ADAMTS6: variants seen among roughly 807,000 people sequenced by gnomAD.
The protein encoded by ADAMTS6 is A disintegrin and metalloproteinase with thrombospondin motifs 6.
Under a neutral mutation model 144.3 loss-of-function variants are expected in ADAMTS6, and 23 were observed. The observed-to-expected ratio is 0.16, with a 90% CI of 0.11 to 0.23. The LOEUF is 0.23. Ranked by LOEUF, ADAMTS6 falls within the 10% of genes least tolerant of loss-of-function variation. The pLI is 1.00. For missense variants in ADAMTS6, 999 were observed against 1,379.6 expected (o/e 0.72, Z 4.37); for synonymous variants, 444 against 457.5 (o/e 0.97, Z 0.38).
At chr5:65,447,459 A>T (rs142758679) in intron 7 of ADAMTS6, among the ~76,000 whole-genome samples, 466 of 152,234 alleles carry the variant, frequency 3.1e-3, no homozygotes, top group African/African-American at 0.011. Context: ...CCATAAAGAC[A>T]CACAATTTTT....
rs181524905 is a variant in ADAMTS6 at position 65,442,130 on chromosome 5, A to T, written c.1073+9345T>A. ...AAACGAAACCAAATTTGAGAAGATTATTAAAATGTCTAGCCACAGTGATTA... is the reference window on the plus strand; with the variant it reads ...AAACGAAACCAAATTTGAGAAGATTTTTAAAATGTCTAGCCACAGTGATTA... On this transcript the variant is annotated intron_variant, in intron 7 of 24. Coordinates refer to ENST00000381055, the MANE Select transcript of ADAMTS6 (RefSeq NM_197941.4). Among the ~76,000 whole-genome samples the T allele has an allele frequency of 2.1e-3, 313 of 151,916 alleles. 2 individuals are homozygous for T. Among genetic ancestry groups the T allele is most frequent in the African/African-American group, 7.3e-3 (305 of 41,524 alleles).
intron 18 of ADAMTS6, among the ~76,000 whole-genome samples, chr5:65,223,680 G>A (rs770904512): frequency 2.0e-5 from 3 of 152,004 alleles, no homozygotes; most frequent in Non-Finnish European, 4.4e-5. Flanking sequence ...ATTGCATACA[G>A]ATAAAATAAG....
In ADAMTS6 at chr5:65,150,019, T is replaced by C. The variant is rs929950695; in HGVS notation, c.*1817A>G. The C allele has an allele frequency of 6.6e-6, 1 of 152,280 alleles. No individual in the cohort carries two copies. Among genetic ancestry groups the C allele is most frequent in the African/African-American group, 2.4e-5 (1 of 41,454 alleles). The allele number at this position is 152,280 out of a possible 1,614,324, so 9.4% of individuals were successfully genotyped here. Reference sequence around the variant, plus strand: ...GACTGAGAGTGCAGAAAACATTCCATGCTGATTGTCCACAGCAAACCTGGG... The same window carrying C: ...GACTGAGAGTGCAGAAAACATTCCACGCTGATTGTCCACAGCAAACCTGGG... On this transcript the variant is annotated 3_prime_UTR_variant, in exon 25 of 25. Coordinates refer to ENST00000381055, the MANE Select transcript of ADAMTS6 (RefSeq NM_197941.4).
chr5:65,225,864 G>A (rs1757684558), intron 16 of ADAMTS6, among the ~76,000 whole-genome samples: 1 of 152,104 alleles, frequency 6.6e-6, no homozygotes, highest in Admixed American at 6.6e-5. Flanking sequence ...GGCAATCACT[G>A]TAAAAATAAC....
In ADAMTS6 at chr5:65,149,042, C is replaced by T. The variant is rs1001980130; in HGVS notation, c.*2794G>A. On this transcript the variant is annotated 3_prime_UTR_variant, in exon 25 of 25. Coordinates refer to ENST00000381055, the MANE Select transcript of ADAMTS6 (RefSeq NM_197941.4). ...TGAGGATACCTATGTGACATTCATT[C>T]AAACAAAAAAGTTCCTAATGAAATG... 3.3e-5 allele frequency: 5 copies of T among 152,628 alleles called. No individual in the cohort carries two copies. The highest frequency in any genetic ancestry group is 9.7e-5 in the African/African-American group (4 of 41,438). The allele number at this position is 152,628 out of a possible 1,614,324, so 9.5% of individuals were successfully genotyped here.
chr5:65,405,192 T>C (rs933992464), intron 7 of ADAMTS6, among the ~76,000 whole-genome samples: 26 of 152,238 alleles, frequency 1.7e-4, no homozygotes, highest in Admixed American at 1.6e-3. Flanking sequence ...GCCATTGCTT[T>C]AGGTGTTTTA....
At chr5:65,206,662 T>C (rs1756105515) in intron 20 of ADAMTS6, among the ~76,000 whole-genome samples, 2 of 130,782 alleles carry the variant, frequency 1.5e-5, no homozygotes, top group African/African-American at 6.0e-5. Context: ...ATCGTGCCAC[T>C]GCACTCCAGC....
chr5:65,326,121 CTTG>C (rs959210086), intron 9 of ADAMTS6, among the ~76,000 whole-genome samples: 1 of 151,888 alleles, frequency 6.6e-6, no homozygotes, highest in Non-Finnish European at 1.5e-5. Flanking sequence ...TTTAAGACCC[CTTG>C]TTAAGATTAT....
At chr5:65,347,469 C>T (rs1748434330) in intron 7 of ADAMTS6, among the ~76,000 whole-genome samples, 2 of 151,794 alleles carry the variant, frequency 1.3e-5, no homozygotes, top group Non-Finnish European at 2.9e-5. Context: ...TGAGATTGGA[C>T]CCTCAACTCA....
chr5:65,456,759 T>C (rs541095562), intron 4 of ADAMTS6, among the ~76,000 whole-genome samples: 1 of 152,310 alleles, frequency 6.6e-6, no homozygotes, highest in Non-Finnish European at 1.5e-5. Flanking sequence ...CTTAGTTATC[T>C]CTGGGTATTG....
In ADAMTS6 at chr5:65,188,023, C is replaced by A; in HGVS notation, c.2903G>T (p.Trp968Leu). Residue 968 changes from tryptophan (W) to leucine (L), a missense_variant, in exon 22 of 25, where the codon TGG becomes TTG. Trp to Leu is a moderately conservative substitution (Grantham distance 61). This residue lies in a region of ADAMTS6 where 619 missense variants were observed against 837.0 expected (regional missense o/e 0.74). Transcript: ENST00000381055. Reference protein sequence around the residue: ...SCPPQWVALDWSECTPKCGPG... With the variant: ...SCPPQWVALDLSECTPKCGPG... ...AGCCTCAGATTTCCTTACCTCAGAC[C>A]AGTCCAAAGCCACCCACTGTGGTGG... The A allele has an allele frequency of 6.2e-7, 1 of 1,614,050 alleles. No homozygotes were observed. Among genetic ancestry groups the A allele is most frequent in the Admixed American group, 1.7e-5 (1 of 60,008 alleles).
At chr5:65,324,794 C>T (rs1310967159) in intron 9 of ADAMTS6, among the ~76,000 whole-genome samples, 1 of 152,082 alleles carries the variant, frequency 6.6e-6, no homozygotes, top group Non-Finnish European at 1.5e-5. Flanking sequence ...TGCTCACCAT[C>T]ACTAACTTCA....
At chr5:65,460,483 A>G in intron 3 of ADAMTS6, 145 bp from the exon 4 acceptor site, 1 of 728,630 alleles carries the variant, frequency 1.4e-6, no homozygotes, top group East Asian at 2.7e-5. Flanking sequence ...AATTATCTGT[A>G]CTCAATTAAA....
At chr5:65,219,440 C>G (rs1214736295) in intron 18 of ADAMTS6, among the ~76,000 whole-genome samples, 1 of 151,950 alleles carries the variant, frequency 6.6e-6, no homozygotes, top group African/African-American at 2.4e-5. Context: ...TACATGTGTT[C>G]TACAAGAAAC....
At chr5:65,302,651 A>G (rs1211396606) in intron 9 of ADAMTS6, among the ~76,000 whole-genome samples, 1 of 152,040 alleles carries the variant, frequency 6.6e-6, no homozygotes, top group African/African-American at 2.4e-5. Flanking sequence ...TCAAACATAT[A>G]TTCTGTCAAA....
intron 12 of ADAMTS6, among the ~76,000 whole-genome samples, chr5:65,267,897 C>G (rs1761747168): frequency 6.6e-6 from 1 of 152,144 alleles, no homozygotes; most frequent in Admixed American, 6.5e-5. Context: ...CTATTAAAAG[C>G]CTTATCTTTC....
intron 21 of ADAMTS6, 140 bp from the exon 22 acceptor site, chr5:65,188,360 G>C: frequency 1.3e-6 from 1 of 788,418 alleles, no homozygotes; most frequent in Non-Finnish European, 2.0e-6. Context: ...GCAAATGAAA[G>C]AGCTGCTAAG....
intron 18 of ADAMTS6, among the ~76,000 whole-genome samples, chr5:65,221,136 A>G (rs1172434255): frequency 6.6e-6 from 1 of 152,178 alleles, no homozygotes; most frequent in Non-Finnish European, 1.5e-5. Context: ...GAACACTTCT[A>G]AAGCCATTTC....
At chr5:65,210,591 TAA>T in intron 20 of ADAMTS6, 2 of 588,026 alleles carry the variant, frequency 3.4e-6, no homozygotes, top group Non-Finnish European at 6.0e-6. Context: ...CCACTGGCAA[TAA>T]AGTTTTTGGC....
Sources: allele counts gnomAD v4.1 joint callset (sites outside exome capture counted in the v4.1 genomes callset), GRCh38; gene constraint gnomAD v4.1.1; regional missense constraint gnomAD v4.1.1; transcripts MANE v1.5; gene names NCBI Gene and HGNC (gene_info 2026-07-23, HGNC 2026-07-21).